Variants in PACSIN1 observed in about 807,000 individuals in gnomAD.
The protein encoded by PACSIN1 is protein kinase C and casein kinase substrate in neurons 1.
PACSIN1 carries 15 observed loss-of-function variants against 59.5 expected under a neutral mutation model. The observed-to-expected ratio is 0.25, with a 90% confidence interval of 0.17 to 0.39. The LOEUF is 0.39. PACSIN1 is among the 10% of genes least tolerant of loss of function. The pLI, the probability that PACSIN1 is intolerant of heterozygous loss-of-function variation, is 1.00. For missense variants in PACSIN1, 420 were observed against 580.2 expected, an observed-to-expected ratio of 0.72 and a Z score of 2.84; for synonymous variants, 210 against 220.6, an observed-to-expected ratio of 0.95 and a Z score of 0.42.
In PACSIN1 at chr6:34,466,277, G is replaced by A. The variant is rs1766494816; in HGVS notation, c.-64+7G>A. 1 of 152,328 alleles carries A rather than the reference G, an allele frequency of 6.6e-6. No homozygotes were observed. The highest frequency in any genetic ancestry group is 2.4e-5 in the African/African-American group (1 of 41,458). The allele number at this position is 152,328 out of a possible 1,614,324, so 9.4% of individuals were successfully genotyped here. A position where few individuals can be genotyped will look rare whatever the true frequency, so the allele number is the denominator to read the frequency against. On this transcript the variant is annotated splice_region_variant and intron_variant, in intron 1 of 9. Transcript: ENST00000244458. ...CCGGAGCTCCTGCCCCCAGGTAGGA[G>A]GTCTGGCCCTTGAATAGAGGGCGGG...
intron 1 of PACSIN1, among the ~76,000 whole-genome samples, chr6:34,492,450 C>A (rs543425153): frequency 1.8e-4 from 27 of 152,134 alleles, no homozygotes; most frequent in African/African-American, 6.5e-4. Flanking sequence ...ATGGCACGAT[C>A]TCAGCTCACC....
chr6:34,507,534 CA>C (rs906931132), intron 1 of PACSIN1, among the ~76,000 whole-genome samples: 9 of 150,664 alleles, frequency 6.0e-5, no homozygotes, highest in African/African-American at 2.2e-4. Context: ...GATGTCTTTT[CA>C]AAAAAACTTT....
rs953092582 is a variant in PACSIN1 at position 34,530,129 on chromosome 6, T to G, written c.789-114T>G. ...TTGCAAAGCCCACATGATTCCTGGC[T>G]GGGCAGCATGCCCAGCACCCTGCTT... On this transcript the variant is annotated intron_variant, in intron 6 of 9. Transcript: ENST00000244458. The surrounding 1 kb of genome is among the most constrained non-coding windows in gnomAD (Gnocchi z 4.4). 1 of 1,381,648 alleles carries G rather than the reference T, an allele frequency of 7.2e-7. No homozygotes were observed. The highest frequency in any genetic ancestry group is 9.7e-7 in the Non-Finnish European group (1 of 1,031,084). 85.6% of individuals were successfully genotyped at this position (1,381,648 alleles called of 1,614,324 possible). A position where few individuals can be genotyped will look rare whatever the true frequency, so the allele number is the denominator to read the frequency against.
In PACSIN1 at chr6:34,527,280, G is replaced by GGCTGGGGAC. The variant is rs1767505989; in HGVS notation, c.64-45_64-37dup. ...TGGCCGTGCTGGATGCGGCGGGCGG[G>GGCTGGGGAC]GCTGGGGACGCTGGGAACCCGCGGG... On this transcript the variant is annotated intron_variant, in intron 2 of 9. Transcript: ENST00000244458. The GGCTGGGGAC allele has an allele frequency of 3.1e-5, 45 of 1,450,950 alleles. No individual in the cohort carries two copies. The South Asian group carries it at 6.0e-4, about 19-fold the overall frequency. The allele number at this position is 1,450,950 out of a possible 1,614,324, so 89.9% of individuals were successfully genotyped here. A position where few individuals can be genotyped will look rare whatever the true frequency, so the allele number is the denominator to read the frequency against.
intron 1 of PACSIN1, among the ~76,000 whole-genome samples, chr6:34,520,845 G>T (rs1044184979): frequency 6.6e-6 from 1 of 152,066 alleles, no homozygotes; most frequent in Non-Finnish European, 1.5e-5. Flanking sequence ...GACAGAGGGC[G>T]GGTGGGACTC....
intron 4 of PACSIN1, 35 bp downstream of exon 4, chr6:34,528,912 T>TGGGCCGGGGGGGGGGGGGGGG: frequency 8.6e-6 from 4 of 464,336 alleles, no homozygotes; most frequent in East Asian, 5.4e-5. Context: ...CGGGGTGGGG[T>TGGGCCGGGGGGGGGGGGGGGG]GGGCCCGTCT....
intron 1 of PACSIN1, chr6:34,485,199 T>C (rs1481423573): frequency 6.6e-6 from 1 of 152,134 alleles, no homozygotes; most frequent in Non-Finnish European, 1.5e-5. Flanking sequence ...AAATTATATT[T>C]ATGTTTTTAT....
chr6:34,490,055 C>G (rs990194586), intron 1 of PACSIN1, among the ~76,000 whole-genome samples: 1 of 150,262 alleles, frequency 6.7e-6, no homozygotes, highest in African/African-American at 2.4e-5. Flanking sequence ...CATCATGAAG[C>G]CTTGGATGTT....
intron 1 of PACSIN1, among the ~76,000 whole-genome samples, chr6:34,523,228 C>T (rs1767427644): frequency 6.6e-6 from 1 of 152,252 alleles, no homozygotes; most frequent in African/African-American, 2.4e-5. Flanking sequence ...CAGTGCTGTG[C>T]ACCGTGCATG....
At chr6:34,485,947 C>G (rs1000052470) in intron 1 of PACSIN1, among the ~76,000 whole-genome samples, 1 of 152,140 alleles carries the variant, frequency 6.6e-6, no homozygotes, top group Non-Finnish European at 1.5e-5. Flanking sequence ...CAGGAGTGTC[C>G]TCTGCCACCA....
chr6:34,522,687 G>A (rs1395300805), intron 1 of PACSIN1, among the ~76,000 whole-genome samples: 1 of 152,206 alleles, frequency 6.6e-6, no homozygotes, highest in Non-Finnish European at 1.5e-5. Flanking sequence ...TGGGCCAGGG[G>A]AGCCGGTACC....
chr6:34,473,942 G>T (rs543690157), intron 1 of PACSIN1, among the ~76,000 whole-genome samples: 1 of 152,206 alleles, frequency 6.6e-6, no homozygotes, highest in Non-Finnish European at 1.5e-5. Context: ...TATTCACTTA[G>T]TATTCACATT....
chr6:34,471,883 C>T (rs763439466), intron 1 of PACSIN1, among the ~76,000 whole-genome samples: 6 of 152,120 alleles, frequency 3.9e-5, no homozygotes, highest in Admixed American at 6.6e-5. Context: ...GGCAGTTGTT[C>T]GTTCTGGGAT....
chr6:34,528,912 T>TGGGCCCCGGGGGGGGGGGGGGG, intron 4 of PACSIN1, 35 bp downstream of exon 4: 7 of 464,336 alleles, frequency 1.5e-5, no homozygotes, highest in Non-Finnish European at 2.1e-5. Context: ...CGGGGTGGGG[T>TGGGCCCCGGGGGGGGGGGGGGG]GGGCCCGTCT....
intron 1 of PACSIN1, among the ~76,000 whole-genome samples, chr6:34,467,160 C>T (rs1182105272): frequency 6.6e-6 from 1 of 152,226 alleles, no homozygotes; most frequent in Non-Finnish European, 1.5e-5. Context: ...GATTTTGCTT[C>T]CATCCTCCAT....
chr6:34,475,453 C>T (rs147588893), intron 1 of PACSIN1, among the ~76,000 whole-genome samples: 142 of 152,310 alleles, frequency 9.3e-4, no homozygotes, highest in Admixed American at 1.4e-3. Flanking sequence ...CATATTAGAG[C>T]GGGAAAAGAT....
At chr6:34,528,915 G>GGGGGGC in intron 4 of PACSIN1, 38 bp downstream of exon 4, 21 of 653,150 alleles carry the variant, frequency 3.2e-5, no homozygotes, top group East Asian at 2.2e-4. Flanking sequence ...GGTGGGGTGG[G>GGGGGGC]CCCGTCTGAT....
intron 1 of PACSIN1, among the ~76,000 whole-genome samples, chr6:34,470,257 A>G (rs893356408): frequency 6.6e-5 from 10 of 151,360 alleles, no homozygotes; most frequent in Admixed American, 6.6e-4. Context: ...ATCTTGGCTC[A>G]TTGCAACCTC....
chr6:34,503,087 A>T (rs985828629), intron 1 of PACSIN1, among the ~76,000 whole-genome samples: 2 of 152,000 alleles, frequency 1.3e-5, no homozygotes, highest in Non-Finnish European at 1.5e-5. Context: ...ACATAGTGAG[A>T]CACTATCACT....
Sources: gnomAD v4.1 joint callset for allele counts (sites outside exome capture counted in the v4.1 genomes callset) on GRCh38, gnomAD v4.1.1 for gene constraint, Gnocchi (gnomAD v3.1) non-coding constraint, MANE v1.5 for transcripts, NCBI Gene and HGNC (gene_info 2026-07-23, HGNC 2026-07-21) for gene names.